NXN: variants seen among roughly 807,000 people sequenced by gnomAD.
NXN encodes the protein nucleoredoxin, also known as nucleoredoxin 1.
NXN carries 16 observed loss-of-function variants against 48.6 expected under a neutral mutation model. That is an observed-to-expected ratio of 0.33 (90% CI 0.22 to 0.50). The LOEUF (loss-of-function observed/expected upper bound fraction) is 0.50. Ranked by LOEUF, NXN falls within the 20% of genes least tolerant of loss-of-function variation. NXN has a pLI of 0.98. For missense variants in NXN, 492 were observed against 605.5 expected (o/e 0.81, Z 1.97); for synonymous variants, 281 against 269.6 (o/e 1.04, Z -0.41).
intron 1 of NXN, among the ~76,000 whole-genome samples, chr17:901,766 C>T (rs2068540206): frequency 6.6e-6 from 1 of 152,164 alleles, no homozygotes; most frequent in Admixed American, 6.6e-5. Context: ...GTGGCGCAAT[C>T]TCAGCTCACT....
At chr17:880,681 T>G (rs2068274544) in intron 1 of NXN, among the ~76,000 whole-genome samples, 1 of 152,088 alleles carries the variant, frequency 6.6e-6, no homozygotes, top group African/African-American at 2.4e-5. Context: ...AGCTAATGCA[T>G]CCAAGGACGT....
At chr17:900,280 G>GA (rs35633720) in intron 1 of NXN, among the ~76,000 whole-genome samples, 1 of 151,354 alleles carries the variant, frequency 6.6e-6, no homozygotes, top group African/African-American at 2.4e-5. Flanking sequence ...ACAAAAAAAG[G>GA]AAAAAAAAAC....
intron 1 of NXN, among the ~76,000 whole-genome samples, chr17:889,424 C>T (rs1318012930): frequency 2.0e-5 from 3 of 152,192 alleles, no homozygotes; most frequent in East Asian, 1.9e-4. Context: ...TGGCCGGATG[C>T]GGTGGCTCAC....
rs183596489 is a variant in NXN, at chr17:832,924, G to A, written c.361-6846C>T. ...ATTTGTTTCTTTGAGACGGAGTCTC[G>A]CTGTCCCCCAGGCTGGAGTGCAGTG... On this transcript the variant is annotated intron_variant, in intron 1 of 7. Transcript: ENST00000336868. Among the ~76,000 whole-genome samples, 22 of 152,038 alleles carry A rather than the reference G, an allele frequency of 1.4e-4. 1 individual carries two copies. In the South Asian group the frequency reaches 1.7e-3, roughly 11 times the overall value.
At chr17:852,881 C>T (rs1331365861) in intron 1 of NXN, among the ~76,000 whole-genome samples, 1 of 152,186 alleles carries the variant, frequency 6.6e-6, no homozygotes, top group African/African-American at 2.4e-5. Context: ...TGCCTATTTC[C>T]CCAGGACACC....
rs1268475879 is a variant in NXN at position 932,855 on chromosome 17, C to T, written c.360+46464G>A. ...TAGAGATGAGGTTTCTCCATGTTGGCCAGGCTGGTCTCGAACTCCTGACCT... is the reference window on the plus strand; with the variant it reads ...TAGAGATGAGGTTTCTCCATGTTGGTCAGGCTGGTCTCGAACTCCTGACCT... On this transcript the variant is annotated intron_variant, in intron 1 of 7. Coordinates refer to ENST00000336868, the MANE Select transcript of NXN (RefSeq NM_022463.5). The surrounding 1 kb of genome is among the most constrained non-coding windows in gnomAD (Gnocchi z 4.1). 2.0e-5 allele frequency among the ~76,000 whole-genome samples: 3 copies of T among 152,190 alleles called. No homozygotes were observed. The highest frequency in any genetic ancestry group is 6.5e-5 in the Admixed American group (1 of 15,278).
intron 1 of NXN, among the ~76,000 whole-genome samples, chr17:835,000 A>T (rs577421403): frequency 4.6e-5 from 7 of 151,560 alleles, no homozygotes; most frequent in African/African-American, 1.7e-4. Flanking sequence ...CAAAGGCCAC[A>T]CAATGCCAAC....
chr17:940,235 C>G (rs891667978), intron 1 of NXN, among the ~76,000 whole-genome samples: 1 of 143,474 alleles, frequency 7.0e-6, no homozygotes, highest in African/African-American at 2.8e-5. Flanking sequence ...TGCCTGGCCT[C>G]AATTTTTTTT....
chr17:847,672 G>A (rs1459194708), intron 1 of NXN, among the ~76,000 whole-genome samples: 2 of 152,112 alleles, frequency 1.3e-5, no homozygotes, highest in Non-Finnish European at 2.9e-5. Flanking sequence ...GAAACGGACT[G>A]TGGCTTGCAT....
In NXN at chr17:809,904, AGT is replaced by A. The variant is rs1199750016; in HGVS notation, c.821-4659_821-4658del. ...GGCGTGTACGTTAAGAGTCCCTGTG[AGT>A]GCCGTGCACGTTAAGAGTCCGTGTG... On this transcript the variant is annotated intron_variant, in intron 5 of 7. Transcript: ENST00000336868. Among the ~76,000 whole-genome samples, 7 of 140,246 alleles carry A rather than the reference AGT, an allele frequency of 5.0e-5. 2 individuals are homozygous for A. The highest frequency in any genetic ancestry group is 1.8e-4 in the African/African-American group (7 of 38,362). The allele number at this position is 140,246 out of a possible 152,430, so 92.0% of individuals were successfully genotyped here. A position where few individuals can be genotyped will look rare whatever the true frequency, so the allele number is the denominator to read the frequency against.
intron 5 of NXN, among the ~76,000 whole-genome samples, chr17:809,426 G>A (rs1057233300): frequency 1.3e-5 from 2 of 152,206 alleles, no homozygotes; most frequent in Non-Finnish European, 2.9e-5. Context: ...ACTGTCCCAC[G>A]GTTTAGTCTG....
rs567432488 is a variant in NXN at position 831,000 on chromosome 17, C to CAAA, written c.361-4925_361-4923dup. On this transcript the variant is annotated intron_variant, in intron 1 of 7. Coordinates refer to ENST00000336868, the MANE Select transcript of NXN (RefSeq NM_022463.5). This position sits in a 1 kb window ranked among gnomAD's most constrained non-coding sequence, Gnocchi z 4.2. ...GGGCAACAAGAGCGAAACTCCGTCT[C>CAAA]AAAAAAAAAAAAAAAACATGCTCTA... is the stretch of plus-strand genomic sequence containing the variant. 2.8e-5 allele frequency among the ~76,000 whole-genome samples: 3 copies of CAAA among 108,278 alleles called. No homozygotes were observed. The highest frequency in any genetic ancestry group is 1.0e-4 in the African/African-American group (3 of 29,280). The allele number at this position is 108,278 out of a possible 152,430, so 71.0% of individuals were successfully genotyped here. A position where few individuals can be genotyped will look rare whatever the true frequency, so the allele number is the denominator to read the frequency against.
chr17:933,391 C>T (rs12951865), intron 1 of NXN: 18,462 of 151,954 alleles, frequency 0.12, 1,402 homozygotes, highest in Middle Eastern at 0.24. Context: ...GGGCACACAT[C>T]GCGACAGGGA....
In NXN at chr17:968,077, T is replaced by C. The variant is rs77391515; in HGVS notation, c.360+11242A>G. On this transcript the variant is annotated intron_variant, in intron 1 of 7. Coordinates refer to ENST00000336868, the MANE Select transcript of NXN (RefSeq NM_022463.5). ...TTTCTTGGGTGTGATATTGTGGTTA[T>C]GTTTTTTAAGGGTTACTTAGTGAAA... Among the ~76,000 whole-genome samples, 1,147 of 151,930 alleles carry C rather than the reference T, an allele frequency of 7.5e-3. 11 individuals carry two copies. Among genetic ancestry groups the C allele is most frequent in the African/African-American group, 0.026 (1,060 of 41,400 alleles).
Position 970,033 on chromosome 17 carries a change from G to A in NXN, c.360+9286C>T, listed in dbSNP as rs117941872. Among the ~76,000 whole-genome samples, 1,450 of 152,268 alleles carry A rather than the reference G, an allele frequency of 9.5e-3. 28 individuals carry two copies. Among genetic ancestry groups the A allele is most frequent in the Middle Eastern group, 0.031 (9 of 294 alleles). ...AAGGAAGCGACGAAGTGAAGCTTACGTTGTTTTTTTAAAAGGACTTTCTGA... is the reference window on the plus strand; with the variant it reads ...AAGGAAGCGACGAAGTGAAGCTTACATTGTTTTTTTAAAAGGACTTTCTGA... On this transcript the variant is annotated intron_variant, in intron 1 of 7. Coordinates refer to ENST00000336868, the MANE Select transcript of NXN (RefSeq NM_022463.5).
intron 1 of NXN, among the ~76,000 whole-genome samples, chr17:962,810 G>C (rs1165675663): frequency 6.6e-6 from 1 of 152,166 alleles, no homozygotes; most frequent in African/African-American, 2.4e-5. Flanking sequence ...CAGAGAATGA[G>C]CCTCTCAGCT....
chr17:846,315 G>C (rs1296710701), intron 1 of NXN, among the ~76,000 whole-genome samples: 4 of 151,354 alleles, frequency 2.6e-5, no homozygotes, highest in Non-Finnish European at 5.9e-5. Context: ...CTGCTCGGGA[G>C]GCTGAGGCAG....
At chr17:861,633 C>T (rs913154640) in intron 1 of NXN, among the ~76,000 whole-genome samples, 32 of 152,114 alleles carry the variant, frequency 2.1e-4, no homozygotes, top group Non-Finnish European at 1.5e-5. Flanking sequence ...GCCAGAAAAG[C>T]AAGCAAATGC....
chr17:938,944 C>A (rs1003909675), intron 1 of NXN, among the ~76,000 whole-genome samples: 2 of 150,626 alleles, frequency 1.3e-5, no homozygotes, highest in Non-Finnish European at 3.0e-5. Flanking sequence ...CCCAGCTACA[C>A]GGGACGCTGA....
Sources: allele counts gnomAD v4.1 joint callset (sites outside exome capture counted in the v4.1 genomes callset), GRCh38; gene constraint gnomAD v4.1.1; non-coding constraint Gnocchi (gnomAD v3.1); transcripts MANE v1.5; gene names NCBI Gene and HGNC (gene_info 2026-07-23, HGNC 2026-07-21).